TAFA4: variants seen among roughly 807,000 people sequenced by gnomAD.
The protein encoded by TAFA4 is chemokine-like protein TAFA-4.
TAFA4 carries 20 observed loss-of-function variants against 21.1 expected under a neutral mutation model. The ratio of observed to expected loss-of-function variants is 0.95; its 90% CI spans 0.67 to 1.38. TAFA4 has a LOEUF of 1.38. Among genes scored for constraint, TAFA4 ranks in the 40% most tolerant of loss-of-function variants. TAFA4 has a pLI of 0.00. For missense variants in TAFA4, 211 were observed against 180.9 expected, an observed-to-expected ratio of 1.17 and a Z score of -0.95; for synonymous variants, 71 against 67.4, an observed-to-expected ratio of 1.05 and a Z score of -0.26.
At chr3:68,869,865 T>C (rs1357501435) in intron 3 of TAFA4, among the ~76,000 whole-genome samples, 1 of 151,880 alleles carries the variant, frequency 6.6e-6, no homozygotes, top group Non-Finnish European at 1.5e-5. Flanking sequence ...CCACAGCAAT[T>C]AGACAAGAGA....
chr3:68,820,960 CTG>C (rs1704100805), intron 3 of TAFA4, among the ~76,000 whole-genome samples: 1 of 152,142 alleles, frequency 6.6e-6, no homozygotes, highest in South Asian at 2.1e-4. Flanking sequence ...GAATTACAAA[CTG>C]TGTTTATGCT....
chr3:68,823,332 A>T (rs1704153199), intron 3 of TAFA4, among the ~76,000 whole-genome samples: 1 of 152,228 alleles, frequency 6.6e-6, no homozygotes. Flanking sequence ...ATCAAAAGAA[A>T]TCGAATACAT....
intron 3 of TAFA4, among the ~76,000 whole-genome samples, chr3:68,819,619 A>C (rs1704070723): frequency 6.6e-6 from 1 of 152,210 alleles, no homozygotes; most frequent in South Asian, 2.1e-4. Flanking sequence ...GAAAACCTAT[A>C]AGCCTGATTT....
intron 3 of TAFA4, among the ~76,000 whole-genome samples, chr3:68,831,552 G>T (rs1704392157): frequency 6.6e-6 from 1 of 152,060 alleles, no homozygotes; most frequent in South Asian, 2.1e-4. Context: ...AATCAGATCT[G>T]CTGTTAGTCT....
chr3:68,806,255 T>C (rs976230231), intron 3 of TAFA4, among the ~76,000 whole-genome samples: 1 of 152,162 alleles, frequency 6.6e-6, no homozygotes, highest in African/African-American at 2.4e-5. Flanking sequence ...GAAAAAATAG[T>C]TTTCCTCAAA....
At chr3:68,733,962 G>T (rs1200045513) in intron 5 of TAFA4, among the ~76,000 whole-genome samples, 1 of 151,960 alleles carries the variant, frequency 6.6e-6, no homozygotes, top group African/African-American at 2.4e-5. Flanking sequence ...CAAAAACCCT[G>T]CCCCCATGGA....
intron 3 of TAFA4, among the ~76,000 whole-genome samples, chr3:68,770,839 C>A (rs1702943300): frequency 6.6e-6 from 1 of 152,184 alleles, no homozygotes; most frequent in Non-Finnish European, 1.5e-5. Context: ...GCCCATGGAC[C>A]TAAATGAAGA....
At chr3:68,879,876 C>G (rs1446913714) in intron 3 of TAFA4, among the ~76,000 whole-genome samples, 1 of 152,206 alleles carries the variant, frequency 6.6e-6, no homozygotes, top group Non-Finnish European at 1.5e-5. Context: ...TCAGGCATCA[C>G]TCTTTCCCAA....
chr3:68,886,519 A>G (rs1414562624), intron 1 of TAFA4, among the ~76,000 whole-genome samples: 5 of 152,200 alleles, frequency 3.3e-5, no homozygotes, highest in African/African-American at 1.2e-4. Context: ...AACTCCCCAC[A>G]TATTGGAAAC....
chr3:68,870,641 A>G (rs1007205619), intron 3 of TAFA4, among the ~76,000 whole-genome samples: 2 of 152,100 alleles, frequency 1.3e-5, no homozygotes, highest in Non-Finnish European at 2.9e-5. Context: ...ACATAGGTAT[A>G]CATGTGCCAT....
intron 3 of TAFA4, among the ~76,000 whole-genome samples, chr3:68,755,512 A>C (rs1430803346): frequency 6.6e-6 from 1 of 152,108 alleles, no homozygotes; most frequent in Non-Finnish European, 1.5e-5. Flanking sequence ...TGTGGCTGCC[A>C]CCCTCTAAGA....
chr3:68,807,177 G>C (rs1703719445), intron 3 of TAFA4, among the ~76,000 whole-genome samples: 2 of 152,164 alleles, frequency 1.3e-5, no homozygotes, highest in African/African-American at 4.8e-5. Flanking sequence ...TGAATCATGT[G>C]CCTGAAATTT....
rs140979970 is a variant in TAFA4 at position 68,760,263 on chromosome 3, T to G, written c.131-7245A>C. Among the ~76,000 whole-genome samples the G allele has an allele frequency of 1.7e-3, 255 of 152,342 alleles. 4 individuals carry two copies. Among genetic ancestry groups the G allele is most frequent in the East Asian group, 0.012 (60 of 5,192 alleles). On this transcript the variant is annotated intron_variant, in intron 3 of 5. Transcript: ENST00000295569. The stretch of plus-strand genomic sequence containing the variant: ...ATAAATAGCTTAAATACATATCATT[T>G]TTTTCTTATTAAATATACTTTTAAG...
intron 3 of TAFA4, among the ~76,000 whole-genome samples, chr3:68,874,100 G>C (rs2089519355): frequency 6.6e-6 from 1 of 152,086 alleles, no homozygotes; most frequent in Admixed American, 6.6e-5. Context: ...GAAAAAAACA[G>C]AGCCCAGTTG....
chr3:68,862,891 C>G (rs1330057290), intron 3 of TAFA4, among the ~76,000 whole-genome samples: 1 of 140,144 alleles, frequency 7.1e-6, no homozygotes, highest in Non-Finnish European at 1.5e-5. Context: ...AATCATTTTG[C>G]TGGAGGTTCC....
chr3:68,894,995 G>A (rs9757679), intron 1 of TAFA4, among the ~76,000 whole-genome samples: 145,847 of 152,148 alleles, frequency 0.96, 70,010 homozygotes, highest in East Asian at 0.99. Flanking sequence ...CTGGGATTAC[G>A]GGTGCATACC....
chr3:68,813,157 C>T lies in TAFA4; in HGVS notation c.131-60139G>A, dbSNP rs551550241. ...ACAAAGACACAACATACCAGAATCT[C>T]TGGGACACATTCAAAGCAGTGTGTA... On this transcript the variant is annotated intron_variant, in intron 3 of 5. Transcript: ENST00000295569. Among the ~76,000 whole-genome samples the T allele has an allele frequency of 1.7e-4, 26 of 152,106 alleles. No individual in the cohort carries two copies. In the East Asian group the frequency reaches 4.6e-3, roughly 27 times the overall value.
At chr3:68,858,825 CAAAG>C (rs1236976305) in intron 3 of TAFA4, among the ~76,000 whole-genome samples, 1 of 151,916 alleles carries the variant, frequency 6.6e-6, no homozygotes, top group Non-Finnish European at 1.5e-5. Context: ...TCTAAGGTGA[CAAAG>C]AAACTTGAAA....
chr3:68,795,531 G>T (rs1433110941), intron 3 of TAFA4, among the ~76,000 whole-genome samples: 2 of 152,040 alleles, frequency 1.3e-5, no homozygotes, highest in Non-Finnish European at 2.9e-5. Context: ...GCTAACTCAG[G>T]GTGTTCTGCC....
Sources: allele counts gnomAD v4.1 joint callset (sites outside exome capture counted in the v4.1 genomes callset), GRCh38; gene constraint gnomAD v4.1.1; transcripts MANE v1.5; gene names NCBI Gene and HGNC (gene_info 2026-07-23, HGNC 2026-07-21).